Variants in CSRP2 observed in about 807,000 individuals in gnomAD.
CSRP2 encodes cysteine and glycine rich protein 2.
A neutral mutation model predicts 24.6 loss-of-function variants in CSRP2; 18 were observed. The observed-to-expected ratio is 0.73, with a 90% CI of 0.51 to 1.09. The LOEUF is 1.09. Ranked by LOEUF, CSRP2 falls within the 50% of genes least tolerant of loss-of-function variation. The pLI is 0.00. For synonymous variants in CSRP2, 87 were observed against 84.3 expected (o/e 1.03, Z -0.18); for missense variants, 215 against 239.4 (o/e 0.90, Z 0.67).
At chr12:76,864,551 C>T (rs958416960) in intron 2 of CSRP2, 2 of 151,544 alleles carry the variant, frequency 1.3e-5, no homozygotes, top group Admixed American at 6.6e-5. Flanking sequence ...GATTAACATA[C>T]ATTGTATGCC....
chr12:76,862,817 A>G (rs1335662184), intron 3 of CSRP2: 11 of 1,493,788 alleles, frequency 7.4e-6, no homozygotes, highest in Non-Finnish European at 9.7e-6. Flanking sequence ...TACATTGCAC[A>G]TGAGAAACAC....
chr12:76,868,345 G>T (rs577596216), intron 1 of CSRP2, among the ~76,000 whole-genome samples: 1 of 152,122 alleles, frequency 6.6e-6, no homozygotes, highest in Non-Finnish European at 1.5e-5. Context: ...GTTGTGGGAC[G>T]GACAGGGTGG....
intron 1 of CSRP2, among the ~76,000 whole-genome samples, chr12:76,875,737 G>A (rs1953845734): frequency 6.6e-6 from 1 of 152,130 alleles, no homozygotes; most frequent in Non-Finnish European, 1.5e-5. Flanking sequence ...ACCTAGAATA[G>A]TGTCTGCCAC....
At chr12:76,869,529 AACACAC>A (rs57542492) in intron 1 of CSRP2, among the ~76,000 whole-genome samples, 11,464 of 135,332 alleles carry the variant, frequency 0.085, 467 homozygotes, top group Middle Eastern at 0.15. Flanking sequence ...TAAAACAAAC[AACACAC>A]ACACACACAC....
At chr12:76,866,730 G>A (rs755433386) in intron 1 of CSRP2, among the ~76,000 whole-genome samples, 5 of 152,148 alleles carry the variant, frequency 3.3e-5, no homozygotes, top group Non-Finnish European at 7.3e-5. Context: ...AATTCTTAAC[G>A]TTTAACATAT....
At chr12:76,871,566 C>A (rs560004494) in intron 1 of CSRP2, among the ~76,000 whole-genome samples, 2 of 152,220 alleles carry the variant, frequency 1.3e-5, no homozygotes, top group South Asian at 2.1e-4. Flanking sequence ...GTCAGGAGAT[C>A]AAGACCATCC....
chr12:76,866,312 C>T, intron 1 of CSRP2, 51 bp from the exon 2 acceptor site: 2 of 1,416,150 alleles, frequency 1.4e-6, no homozygotes, highest in South Asian at 1.2e-5. Context: ...TCGTACGGCT[C>T]CCTAGAGGGC....
At position 76,863,300 on chromosome 12, in the gene CSRP2, C is replaced by G. The variant is rs745794759; in HGVS notation, c.157G>C (p.Asp53His). 2.5e-6 allele frequency: 4 copies of G among 1,614,084 alleles called. No individual in the cohort carries two copies. Among genetic ancestry groups the G allele is most frequent in the Non-Finnish European group, 3.4e-6 (4 of 1,180,042 alleles). ...NLDSTTVAIH[D>H]EEIYCKSCYG... ...CAGGATTTGCAGTAGATCTCTTCAT[C>G]GTGAATTGCCACTGTTGTGCTATCT... Residue 53 changes from aspartate to histidine, a missense_variant, in exon 3 of 6, where the codon GAT (aspartate) becomes CAT (histidine). Asp to His is a moderately conservative substitution (Grantham distance 81). Transcript: ENST00000311083.
chr12:76,863,345 CT>C lies in CSRP2; in HGVS notation c.113-2del. On this transcript the variant is annotated splice_acceptor_variant, in intron 2 of 5. Coordinates refer to ENST00000311083, the MANE Select transcript of CSRP2 (RefSeq NM_001321.3). LOFTEE classifies it high-confidence loss of function. ...CTATCTAAATTTTTCCTGCAAACCA[CT>C]GCAGGGGAAAAAGTTAGACTTTACA... 1.2e-6 allele frequency: 2 copies of C among 1,613,754 alleles called. No homozygotes were observed. Among genetic ancestry groups the C allele is most frequent in the Non-Finnish European group, 1.7e-6 (2 of 1,179,850 alleles).
intron 3 of CSRP2, chr12:76,862,532 T>A (rs562176875): frequency 8.2e-6 from 2 of 243,302 alleles, no homozygotes; most frequent in African/African-American, 4.5e-5. Flanking sequence ...CAGAGTGAGA[T>A]TCTGTGACAA....
rs540095276 is a variant in CSRP2 at position 76,878,869 on chromosome 12, T to C, written c.-2+69A>G. 4.0e-5 allele frequency: 6 copies of C among 151,760 alleles called. No individual in the cohort carries two copies. The East Asian group carries it at 9.9e-4, about 25-fold the overall frequency. The allele number at this position is 151,760 out of a possible 1,614,324, so 9.4% of individuals were successfully genotyped here. A position where few individuals can be genotyped will look rare whatever the true frequency, so the allele number is the denominator to read the frequency against. ...GCGACAGCACGACCCCGGGAGGCGG[T>C]GGAAACCCCCTGCAACTCCCGCCCC... On this transcript the variant is annotated intron_variant, in intron 1 of 5. Coordinates refer to ENST00000311083, the MANE Select transcript of CSRP2 (RefSeq NM_001321.3).
chr12:76,869,779 T>G (rs1344886374), intron 1 of CSRP2, among the ~76,000 whole-genome samples: 1 of 152,202 alleles, frequency 6.6e-6, no homozygotes, highest in Non-Finnish European at 1.5e-5. Context: ...TGCATAAATC[T>G]TTTATTCTCC....
intron 2 of CSRP2, chr12:76,864,979 A>G (rs1203585835): frequency 6.6e-6 from 1 of 152,248 alleles, no homozygotes; most frequent in Non-Finnish European, 1.5e-5. Flanking sequence ...GTGTTACTAT[A>G]TAACCACCCC....
intron 1 of CSRP2, among the ~76,000 whole-genome samples, chr12:76,876,510 G>A (rs922810080): frequency 6.6e-5 from 10 of 152,104 alleles, no homozygotes; most frequent in Non-Finnish European, 1.2e-4. Flanking sequence ...TTTTAATTCT[G>A]GGGGTTGGGG....
In CSRP2 at chr12:76,863,362, A is replaced by T. The variant is rs1391236000; in HGVS notation, c.113-18T>A. On this transcript the variant is annotated intron_variant, in intron 2 of 5. Transcript: ENST00000311083. ...GCAAACCACTGCAGGGGAAAAAGTT[A>T]GACTTTACACATGTTCCAAAGATGC... 1 of 1,612,878 alleles carries T rather than the reference A, an allele frequency of 6.2e-7. No homozygotes were observed. The highest frequency in any genetic ancestry group is 8.5e-7 in the Non-Finnish European group (1 of 1,179,450).
chr12:76,870,076 T>C (rs1267983993), intron 1 of CSRP2, among the ~76,000 whole-genome samples: 1 of 152,272 alleles, frequency 6.6e-6, no homozygotes, highest in African/African-American at 2.4e-5. Flanking sequence ...TCCCAAGTTA[T>C]CAACTGGTTC....
At chr12:76,866,785 C>T (rs533542325) in intron 1 of CSRP2, among the ~76,000 whole-genome samples, 1 of 152,302 alleles carries the variant, frequency 6.6e-6, no homozygotes, top group South Asian at 2.1e-4. Context: ...TGTTGCCCTG[C>T]AAGAACAAGT....
intron 4 of CSRP2, 47 bp downstream of exon 4, chr12:76,860,237 A>G: frequency 1.9e-6 from 3 of 1,596,886 alleles, no homozygotes; most frequent in Non-Finnish European, 2.6e-6. Flanking sequence ...GGAGAAAGGG[A>G]GCAGAGAGAA....
chr12:76,874,639 T>C (rs1000172569), intron 1 of CSRP2, among the ~76,000 whole-genome samples: 2 of 152,156 alleles, frequency 1.3e-5, no homozygotes, highest in Admixed American at 1.3e-4. Context: ...CTGTGTTTTG[T>C]GTTCAGGCTA....
Sources: allele counts gnomAD v4.1 joint callset (sites outside exome capture counted in the v4.1 genomes callset), GRCh38; gene constraint gnomAD v4.1.1; transcripts MANE v1.5; gene names NCBI Gene and HGNC (gene_info 2026-07-23, HGNC 2026-07-21).